NCOA2: variants seen among roughly 807,000 people sequenced by gnomAD.
NCOA2 encodes the protein nuclear receptor coactivator 2.
In NCOA2, 21 loss-of-function variants were observed where a neutral mutation model predicts 145.1. That is an observed-to-expected ratio of 0.14 (90% CI 0.10 to 0.21). The LOEUF is 0.21. Ranked by LOEUF, NCOA2 falls within the 10% of genes least tolerant of loss-of-function variation. The pLI, the probability that NCOA2 is intolerant of heterozygous loss-of-function variation, is 1.00. For synonymous variants in NCOA2, 619 were observed against 637.5 expected, an observed-to-expected ratio of 0.97 and a Z score of 0.44; for missense variants, 1,472 against 1,837.6, an observed-to-expected ratio of 0.80 and a Z score of 3.64.
chr8:70,273,857 A>C (rs1456674141), intron 2 of NCOA2: 2 of 550,634 alleles, frequency 3.6e-6, no homozygotes, highest in African/African-American at 3.8e-5. Context: ...AGTCAACTTC[A>C]GTGACTCAAC....
the NCOA2 span, among the ~76,000 whole-genome samples, chr8:70,419,864 A>G: frequency 1.3e-5 from 2 of 152,228 alleles, no homozygotes; most frequent in African/African-American, 4.8e-5. Flanking sequence ...ACTTCCAATT[A>G]ACCATGAATG....
chr8:70,445,853 A>G, the NCOA2 span, among the ~76,000 whole-genome samples: 1 of 152,244 alleles, frequency 6.6e-6, no homozygotes, highest in Non-Finnish European at 1.5e-5. Flanking sequence ...AGCGCAGAAT[A>G]ACTCAACATC....
chr8:70,152,940 G>A (rs1811904872), intron 11 of NCOA2, among the ~76,000 whole-genome samples: 1 of 152,108 alleles, frequency 6.6e-6, no homozygotes, highest in African/African-American at 2.4e-5. Context: ...TGAAAGAAAA[G>A]TCTTCAATAA....
chr8:70,171,758 G>A (rs1186910330), intron 5 of NCOA2, among the ~76,000 whole-genome samples: 2 of 152,140 alleles, frequency 1.3e-5, no homozygotes, highest in Admixed American at 6.6e-5. Flanking sequence ...GAACTCCTGG[G>A]CTCAAGCTAT....
At chr8:70,396,948 G>A (rs1404642496) in intron 1 of NCOA2, among the ~76,000 whole-genome samples, 2 of 151,970 alleles carry the variant, frequency 1.3e-5, no homozygotes, top group Admixed American at 6.6e-5. Context: ...ATTTTTCCTC[G>A]CCAAAGTTTT....
intron 4 of NCOA2, among the ~76,000 whole-genome samples, chr8:70,180,119 G>A (rs1290013010): frequency 6.6e-6 from 1 of 152,108 alleles, no homozygotes; most frequent in African/African-American, 2.4e-5. Context: ...CACGACCTAA[G>A]AAAGTAACAA....
chr8:70,143,134 G>T (rs1025350889), intron 13 of NCOA2, among the ~76,000 whole-genome samples: 8 of 152,054 alleles, frequency 5.3e-5, no homozygotes, highest in African/African-American at 1.9e-4. Flanking sequence ...ATTTTTAGTG[G>T]AGATGAGGTT....
intron 22 of NCOA2, among the ~76,000 whole-genome samples, chr8:70,121,084 T>A (rs1262480470): frequency 1.3e-5 from 2 of 152,108 alleles, no homozygotes; most frequent in African/African-American, 2.4e-5. Flanking sequence ...TAAAAAAAAA[T>A]TTAGTGTTCT....
intron 10 of NCOA2, among the ~76,000 whole-genome samples, chr8:70,159,236 A>ATATACATATATATATATATATATATATG (rs1812643355): frequency 6.2e-5 from 1 of 16,046 alleles, no homozygotes; most frequent in Non-Finnish European, 2.2e-4. Context: ...ATATATATAT[A>ATATACATATATATATATATATATATATG]TATATATTTT....
intron 1 of NCOA2, among the ~76,000 whole-genome samples, chr8:70,350,765 A>G (rs1474982460): frequency 1.3e-5 from 2 of 152,226 alleles, no homozygotes; most frequent in Non-Finnish European, 2.9e-5. Flanking sequence ...AATTTGTTTT[A>G]TTCTAAACTC....
intron 3 of NCOA2, 134 bp from the exon 4 acceptor site, chr8:70,214,209 G>A (rs1819350759): frequency 5.9e-6 from 5 of 850,562 alleles, no homozygotes; most frequent in Admixed American, 3.0e-5. Context: ...ACTTTTGGGG[G>A]AAAAACACAA....
chr8:70,217,969 A>AG (rs1019776281), intron 2 of NCOA2, among the ~76,000 whole-genome samples: 3 of 135,156 alleles, frequency 2.2e-5, no homozygotes, highest in African/African-American at 9.8e-5. Flanking sequence ...TTCTGGATAG[A>AG]AAAAAAAAAA....
chr8:70,123,881 C>A lies in NCOA2; in HGVS notation c.4293+3G>T. The A allele has an allele frequency of 6.2e-7, 1 of 1,603,256 alleles. No homozygotes were observed. The highest frequency in any genetic ancestry group is 2.2e-5 in the East Asian group (1 of 44,610). On this transcript the variant is annotated splice_donor_region_variant and intron_variant, in intron 21 of 22. Coordinates refer to ENST00000452400, the MANE Select transcript of NCOA2 (RefSeq NM_006540.4). ...ACTGGGTTGCTTCTCCTTGGGCACTCACCTGCTCGGGACCCATGGAGGACA... is the reference window on the plus strand; with the variant it reads ...ACTGGGTTGCTTCTCCTTGGGCACTAACCTGCTCGGGACCCATGGAGGACA...
At position 70,175,730 on chromosome 8, in the gene NCOA2, AAAC is replaced by A. The variant is rs369688103; in HGVS notation, c.260-874_260-872del. ...CAACAACTTGCTAGAAAACAACACA[AAAC>A]AACGTGACAATTATTTGTACTTGAA... is the stretch of plus-strand genomic sequence containing the variant. On this transcript the variant is annotated intron_variant, in intron 4 of 22. Coordinates refer to ENST00000452400, the MANE Select transcript of NCOA2 (RefSeq NM_006540.4). Among the ~76,000 whole-genome samples, 79 of 152,362 alleles carry A rather than the reference AAAC, an allele frequency of 5.2e-4. No homozygotes were observed. The East Asian group carries it at 0.012, about 22-fold the overall frequency.
upstream of NCOA2, among the ~76,000 whole-genome samples, chr8:70,404,539 C>G (rs111762529): frequency 3.9e-3 from 595 of 152,346 alleles, 9 homozygotes; most frequent in African/African-American, 0.014. Context: ...CCCTACGGCT[C>G]CAACAGGGAG....
intron 4 of NCOA2, among the ~76,000 whole-genome samples, chr8:70,183,789 GATCT>G (rs1183956950): frequency 1.3e-5 from 2 of 152,162 alleles, no homozygotes; most frequent in African/African-American, 4.8e-5. Flanking sequence ...ATTTTGAAAT[GATCT>G]ATTTTCATGT....
chr8:70,215,325 AGAGG>A (rs2133917165), intron 3 of NCOA2, among the ~76,000 whole-genome samples: 1 of 152,290 alleles, frequency 6.6e-6, no homozygotes, highest in Non-Finnish European at 1.5e-5. Flanking sequence ...TGAGCGCCCC[AGAGG>A]GAGGGCTCAG....
chr8:70,422,179 T>C, the NCOA2 span, among the ~76,000 whole-genome samples: 2 of 151,898 alleles, frequency 1.3e-5, no homozygotes, highest in South Asian at 2.1e-4. Flanking sequence ...GTCTCTTCAT[T>C]TCTCTGGGGC....
intron 2 of NCOA2, among the ~76,000 whole-genome samples, chr8:70,219,409 A>G (rs1187090339): frequency 6.6e-6 from 1 of 152,174 alleles, no homozygotes; most frequent in Non-Finnish European, 1.5e-5. Flanking sequence ...TCTACTGCAC[A>G]TGTCCTCTTC....
Sources: allele counts gnomAD v4.1 joint callset (sites outside exome capture counted in the v4.1 genomes callset), GRCh38; gene constraint gnomAD v4.1.1; transcripts MANE v1.5; gene names NCBI Gene and HGNC (gene_info 2026-07-23, HGNC 2026-07-21).